FGF13: variants seen among roughly 807,000 people sequenced by gnomAD.
FGF13 encodes fibroblast growth factor 13.
In FGF13, 2 loss-of-function variants were observed where a neutral mutation model predicts 19.5. That is an observed-to-expected ratio of 0.10 (90% CI 0.04 to 0.32). The LOEUF (loss-of-function observed/expected upper bound fraction) is 0.32, where lower values mean the gene tolerates loss of function less well. Ranked by LOEUF, FGF13 falls within the 10% of genes least tolerant of loss-of-function variation. FGF13 has a pLI of 1.00. For missense variants in FGF13, 113 were observed against 192.7 expected (o/e 0.59, Z 2.45); for synonymous variants, 72 against 76.9 (o/e 0.94, Z 0.33).
At chrX:138,688,995 C>A (rs1001898013) in intron 3 of FGF13, among the ~76,000 whole-genome samples, 16 of 111,407 alleles carry the variant, frequency 1.4e-4, no homozygotes, top group African/African-American at 3.9e-4. Flanking sequence ...TGAATTTACT[C>A]CTTTTTATAC....
Position 138,654,853 on chromosome X carries a change from A to T in FGF13, c.403-19198T>A, listed in dbSNP as rs775417416. On this transcript the variant is annotated intron_variant, in intron 3 of 4. Coordinates refer to ENST00000315930, the MANE Select transcript of FGF13 (RefSeq NM_004114.5). Reference sequence around the variant, plus strand: ...TGGTAAACTTTGCTTTTCTTTCTGTACTTCATCAGTCATCCTTAGAGCATA... The same window carrying T: ...TGGTAAACTTTGCTTTTCTTTCTGTTCTTCATCAGTCATCCTTAGAGCATA... Among the ~76,000 whole-genome samples, 4 of 111,296 alleles carry T rather than the reference A, an allele frequency of 3.6e-5. No homozygotes were observed. The South Asian group carries it at 1.5e-3, about 43-fold the overall frequency.
intron 1 of FGF13, among the ~76,000 whole-genome samples, chrX:138,735,996 C>T (rs1438901643): frequency 5.3e-5 from 6 of 112,210 alleles, no homozygotes; most frequent in African/African-American, 1.6e-4. Flanking sequence ...TTTTATAAAA[C>T]GAGAGACACT....
chrX:139,138,265 T>C (rs1029208483), intron 1 of FGF13, among the ~76,000 whole-genome samples: 1 of 111,924 alleles, frequency 8.9e-6, no homozygotes, highest in African/African-American at 3.2e-5. Flanking sequence ...ACACCAAATA[T>C]GTGCTAGCAG....
At chrX:139,004,080 G>A (rs1306887204) in intron 1 of FGF13, among the ~76,000 whole-genome samples, 1 of 112,668 alleles carries the variant, frequency 8.9e-6, no homozygotes, top group East Asian at 2.8e-4. Context: ...GCAGGGGGTG[G>A]TGCTCGTCGG....
chrX:138,740,011 C>T (rs144570531), upstream of FGF13, among the ~76,000 whole-genome samples: 2,414 of 111,955 alleles, frequency 0.022, 41 homozygotes, highest in African/African-American at 0.074. Flanking sequence ...ACACCATACT[C>T]GTTACTGAAG....
chrX:138,938,272 C>T (rs2091741680), intron 1 of FGF13, among the ~76,000 whole-genome samples: 1 of 111,309 alleles, frequency 9.0e-6, no homozygotes, highest in South Asian at 3.8e-4. Context: ...CACTGGTGAT[C>T]TTGACAAGAG....
intron 3 of FGF13, among the ~76,000 whole-genome samples, chrX:138,689,013 C>G (rs2089813072): frequency 9.0e-6 from 1 of 111,413 alleles, no homozygotes; most frequent in African/African-American, 3.3e-5. Context: ...TACTGTATTT[C>G]TTACTACAGA....
intron 1 of FGF13, among the ~76,000 whole-genome samples, chrX:139,001,121 T>A (rs1157587435): frequency 8.9e-6 from 1 of 112,131 alleles, no homozygotes; most frequent in African/African-American, 3.2e-5. Context: ...CTGGGAAAAC[T>A]GGCTAGCCAT....
At chrX:138,770,678 C>A (rs2090538761) in intron 3 of FGF13, among the ~76,000 whole-genome samples, 1 of 111,899 alleles carries the variant, frequency 8.9e-6, no homozygotes, top group African/African-American at 3.3e-5. Context: ...AGAGACCATG[C>A]CCCATCCATC....
chrX:138,669,907 C>T (rs1172749463), intron 3 of FGF13, among the ~76,000 whole-genome samples: 1 of 111,550 alleles, frequency 9.0e-6, no homozygotes, highest in Non-Finnish European at 1.9e-5. Flanking sequence ...GTTTCAAAGG[C>T]TGAAGTGTCA....
chrX:139,105,602 T>A (rs2083554140), intron 1 of FGF13, among the ~76,000 whole-genome samples: 1 of 111,892 alleles, frequency 8.9e-6, no homozygotes, highest in South Asian at 3.7e-4. Flanking sequence ...TGTTAAATAG[T>A]GAGGATCCAA....
At chrX:138,927,078 C>T (rs1016300169) in intron 1 of FGF13, among the ~76,000 whole-genome samples, 1 of 111,916 alleles carries the variant, frequency 8.9e-6, no homozygotes, top group Admixed American at 9.5e-5. Flanking sequence ...AGAGTACAAA[C>T]CTTGCACCAA....
At chrX:138,677,893 G>A (rs911950196) in intron 3 of FGF13, among the ~76,000 whole-genome samples, 4 of 111,451 alleles carry the variant, frequency 3.6e-5, no homozygotes, top group Admixed American at 1.9e-4. Context: ...CGTTTATTGC[G>A]GCACTATTCA....
rs761043290 is a variant in FGF13 at position 139,136,369 on chromosome X, G to C, written c.-113+67047C>G. On this transcript the variant is annotated intron_variant, in intron 1 of 2. Transcript: ENST00000421460. ...TGCCCCCCCACCCTCCCCGTTCTGA[G>C]TCTCTAAAGTCCATTATATGACTCT... Among the ~76,000 whole-genome samples the C allele has an allele frequency of 8.6e-4, 73 of 84,971 alleles. 1 individual carries two copies. The highest frequency in any genetic ancestry group is 3.0e-3 in the African/African-American group (63 of 20,963). The allele number at this position is 84,971 out of a possible 115,157, so 73.8% of individuals were successfully genotyped here.
chrX:138,903,667 T>A (rs1459328256), intron 1 of FGF13, among the ~76,000 whole-genome samples: 1 of 112,184 alleles, frequency 8.9e-6, no homozygotes, highest in African/African-American at 3.2e-5. Flanking sequence ...CAGGCCTCTA[T>A]GCCCATCTTA....
intron 3 of FGF13, among the ~76,000 whole-genome samples, chrX:138,851,952 T>C (rs1209970345): frequency 2.7e-5 from 3 of 111,115 alleles, no homozygotes; most frequent in Admixed American, 1.9e-4. Flanking sequence ...AAATCATGAA[T>C]GAACTCCCAT....
At chrX:139,118,595 A>G (rs748977110) in intron 1 of FGF13, among the ~76,000 whole-genome samples, 1 of 111,620 alleles carries the variant, frequency 9.0e-6, no homozygotes, top group Non-Finnish European at 1.9e-5. Flanking sequence ...CTATCACTAG[A>G]GAAATTAAAA....
At chrX:138,819,297 T>C (rs2090983214) in intron 3 of FGF13, among the ~76,000 whole-genome samples, 1 of 111,133 alleles carries the variant, frequency 9.0e-6, no homozygotes, top group South Asian at 3.8e-4. Context: ...ATATAAATGG[T>C]ATATAGTAGT....
At chrX:139,070,595 A>C (rs2092373391) in intron 1 of FGF13, among the ~76,000 whole-genome samples, 1 of 112,147 alleles carries the variant, frequency 8.9e-6, no homozygotes, top group African/African-American at 3.2e-5. Context: ...CTAGAACCAG[A>C]AATACTATTT....
Sources: allele counts gnomAD v4.1 joint callset (sites outside exome capture counted in the v4.1 genomes callset), GRCh38; gene constraint gnomAD v4.1.1; transcripts MANE v1.5; gene names NCBI Gene and HGNC (gene_info 2026-07-23, HGNC 2026-07-21).